Variants in CDH11 observed in about 807,000 individuals in gnomAD.
CDH11 encodes cadherin-11.
CDH11 carries 11 observed loss-of-function variants against 67.8 expected under a neutral mutation model. The observed-to-expected ratio is 0.16, with a 90% confidence interval of 0.10 to 0.27. The LOEUF (loss-of-function observed/expected upper bound fraction) is 0.27. Ranked by LOEUF, CDH11 falls within the 10% of genes least tolerant of loss-of-function variation. The probability of loss-of-function intolerance (pLI) is 1.00; values close to 1 mark genes in which losing one functional copy is unlikely to be tolerated. For missense variants in CDH11, 847 were observed against 1,031.2 expected (o/e 0.82, Z 2.45); for synonymous variants, 419 against 400.0 (o/e 1.05, Z -0.57).
chr16:65,109,761 C>T (rs1320627362), intron 1 of CDH11, among the ~76,000 whole-genome samples: 1 of 152,194 alleles, frequency 6.6e-6, no homozygotes, highest in Non-Finnish European at 1.5e-5. Context: ...ATTATGCTGC[C>T]TGCCATAGCT....
chr16:64,951,194 C>T (rs1020435575), intron 11 of CDH11, among the ~76,000 whole-genome samples, 176 bp from the exon 12 acceptor site: 3 of 152,180 alleles, frequency 2.0e-5, no homozygotes, highest in African/African-American at 4.8e-5. Context: ...GGCATGATCA[C>T]GAAACAAGCT....
intron 11 of CDH11, among the ~76,000 whole-genome samples, chr16:64,967,319 G>A (rs900550974): frequency 6.6e-6 from 1 of 152,082 alleles, no homozygotes; most frequent in African/African-American, 2.4e-5. Flanking sequence ...CCGGGTTCAA[G>A]CAATTCTCTT....
At position 65,121,360 on chromosome 16, in the gene CDH11, G is replaced by C. The variant is rs1208773070; in HGVS notation, c.-298+520C>G. Among the ~76,000 whole-genome samples the C allele has an allele frequency of 6.6e-6, 1 of 152,176 alleles. No homozygotes were observed. The highest frequency in any genetic ancestry group is 2.4e-5 in the African/African-American group (1 of 41,454). On this transcript the variant is annotated intron_variant, in intron 1 of 12. Coordinates refer to ENST00000268603, the MANE Select transcript of CDH11 (RefSeq NM_001797.4). This position sits in a 1 kb window ranked among gnomAD's most constrained non-coding sequence, Gnocchi z 4.1. ...TTTCCCGGGCTTACCCGGCAGTCTCGACTGCAGGGACTAAGCCCCGGGGAG... is the reference window on the plus strand; with the variant it reads ...TTTCCCGGGCTTACCCGGCAGTCTCCACTGCAGGGACTAAGCCCCGGGGAG...
At chr16:65,073,094 G>GA (rs1309186645) in intron 1 of CDH11, among the ~76,000 whole-genome samples, 1 of 152,036 alleles carries the variant, frequency 6.6e-6, no homozygotes, top group African/African-American at 2.4e-5. Context: ...CACAGTTATT[G>GA]AAAATCCAAT....
chr16:65,117,767 C>A (rs2075266248), intron 1 of CDH11, among the ~76,000 whole-genome samples: 2 of 152,136 alleles, frequency 1.3e-5, no homozygotes, highest in Admixed American at 6.5e-5. Flanking sequence ...TATTTTTCTT[C>A]TTTATCCATT....
rs71143552 is a variant in CDH11 at position 65,111,674 on chromosome 16, AACAC to A, written c.-298+10202_-298+10205del. On this transcript the variant is annotated intron_variant, in intron 1 of 12. Transcript: ENST00000268603. ...GTCCTTTCCTCTGAGGAAAGCTAGA[AACAC>A]ACACACACACACACACACACACACA... Among the ~76,000 whole-genome samples, 546 of 140,672 alleles carry A rather than the reference AACAC, an allele frequency of 3.9e-3. 1 individual carries two copies. Among genetic ancestry groups the A allele is most frequent in the East Asian group, 8.8e-3 (41 of 4,634 alleles). The allele number at this position is 140,672 out of a possible 152,430, so 92.3% of individuals were successfully genotyped here.
intron 1 of CDH11, among the ~76,000 whole-genome samples, chr16:65,080,025 TATAA>T (rs561720055): frequency 2.5e-3 from 379 of 152,356 alleles, no homozygotes; most frequent in Non-Finnish European, 4.4e-3. Context: ...AAATAAAATG[TATAA>T]ATGAGAAAAT....
At chr16:64,996,405 G>A (rs531214857) in intron 4 of CDH11, among the ~76,000 whole-genome samples, 67 of 150,574 alleles carry the variant, frequency 4.4e-4, no homozygotes, top group African/African-American at 1.4e-3. Context: ...CAGGAGAATC[G>A]TTTGAACCCA....
In CDH11 at chr16:64,966,443, G is replaced by C. The variant is rs151239093; in HGVS notation, c.1642+5136C>G. On this transcript the variant is annotated intron_variant, in intron 11 of 12. Coordinates refer to ENST00000268603, the MANE Select transcript of CDH11 (RefSeq NM_001797.4). The stretch of plus-strand genomic sequence containing the variant: ...AAAATAGTAATAAAATAAAAATAAT[G>C]CGGAGAAAGCATCTGTCAGGTTTCA... Among the ~76,000 whole-genome samples, 435 of 67,404 alleles carry C rather than the reference G, an allele frequency of 6.5e-3. 1 individual carries two copies. The highest frequency in any genetic ancestry group is 0.016 in the Middle Eastern group (2 of 124). 44.2% of individuals were successfully genotyped at this position (67,404 alleles called of 152,430 possible). A position where few individuals can be genotyped will look rare whatever the true frequency, so the allele number is the denominator to read the frequency against.
intron 2 of CDH11, among the ~76,000 whole-genome samples, chr16:65,009,784 G>T (rs2073138449): frequency 6.6e-6 from 1 of 152,146 alleles, no homozygotes; most frequent in Non-Finnish European, 1.5e-5. Flanking sequence ...TGCTTGGAGG[G>T]AAAAATAAAT....
rs2142458968 is a variant in CDH11, at chr16:64,982,114, G to A, written c.1187C>T (p.Ala396Val). The A allele has an allele frequency of 6.2e-7, 1 of 1,613,986 alleles. No individual in the cohort carries two copies. ...PSYIHEVQEN[A>V]AAGTVVGRVH... ...TCTCCCAACCACGGTGCCAGCAGCT[G>A]CATTTTCTTGGACTTCGTGGATGTA... The change falls in exon 8 of 13, where the codon GCA becomes GTA. Residue 396 changes from alanine to valine, a missense_variant. Ala to Val is a moderately conservative substitution (Grantham distance 64, BLOSUM62 0). Transcript: ENST00000268603.
chr16:64,958,704 T>C (rs2071588382), intron 11 of CDH11, among the ~76,000 whole-genome samples: 1 of 152,204 alleles, frequency 6.6e-6, no homozygotes, highest in African/African-American at 2.4e-5. Flanking sequence ...CTAATTAAAC[T>C]AGTTTATTTT....
intron 1 of CDH11, among the ~76,000 whole-genome samples, chr16:65,063,960 T>C (rs1259138536): frequency 1.3e-5 from 2 of 152,206 alleles, no homozygotes; most frequent in Non-Finnish European, 2.9e-5. Flanking sequence ...TAAGAGCTGA[T>C]ACTTCTCTAG....
rs766808106 is a variant in CDH11, at chr16:64,991,802, G to A, written c.777C>T (p.Thr259=). The change falls in exon 6 of 13, where the codon ACC becomes ACT. Residue 259 remains threonine (T), a synonymous_variant. Transcript: ENST00000268603. ...ACTTTGGTGGGTTGTCATTGACATC[G>A]GTCAGTGTGATCGTCACTTTGGTTG... ...SGTTKVTITL[T]DVNDNPPKFP... 1.2e-5 allele frequency: 19 copies of A among 1,613,632 alleles called. No individual in the cohort carries two copies. Among genetic ancestry groups the A allele is most frequent in the East Asian group, 4.5e-5 (2 of 44,874 alleles).
chr16:65,059,120 G>C (rs1290964497), intron 1 of CDH11, among the ~76,000 whole-genome samples: 1 of 151,914 alleles, frequency 6.6e-6, no homozygotes, highest in East Asian at 1.9e-4. Flanking sequence ...TGAGGAATCT[G>C]AGTCTCAAAG....
At chr16:65,053,035 C>T (rs757305186) in intron 2 of CDH11, among the ~76,000 whole-genome samples, 9 of 152,078 alleles carry the variant, frequency 5.9e-5, no homozygotes, top group African/African-American at 2.2e-4. Context: ...ATTTAAGTCA[C>T]CACTGGACAT....
Position 65,004,767 on chromosome 16 carries a change from A to G in CDH11, c.103T>C (p.Phe35Leu), listed in dbSNP as rs201776236. 4.7e-5 allele frequency: 76 copies of G among 1,606,314 alleles called. No homozygotes were observed. The Admixed American group carries it at 1.2e-3, about 25-fold the overall frequency. ...TTGCCCTTCTCATGGTGCCCATGGA[A>G]GGAGGGCCGCAGGTGCCCCCGCCGC... is the stretch of plus-strand genomic sequence containing the variant. Reference protein sequence around the residue: ...PERRGHLRPSFHGHHEKGKEG... With the variant: ...PERRGHLRPSLHGHHEKGKEG... Residue 35 changes from phenylalanine (F) to leucine (L), a missense_variant, in exon 3 of 13, where the codon TTC (phenylalanine) becomes CTC (leucine). Phe to Leu is a conservative substitution (Grantham distance 22). This residue lies in a region of CDH11 where 235 missense variants were observed against 352.5 expected (regional missense o/e 0.67). Transcript: ENST00000268603.
chr16:64,975,124 C>A (rs1483472213), intron 8 of CDH11, among the ~76,000 whole-genome samples: 1 of 152,052 alleles, frequency 6.6e-6, no homozygotes, highest in Non-Finnish European at 1.5e-5. Flanking sequence ...ATTAATAGTA[C>A]CTAACTTTTA....
chr16:65,078,647 GATCA>G (rs2074557801), intron 1 of CDH11, among the ~76,000 whole-genome samples: 1 of 151,862 alleles, frequency 6.6e-6, no homozygotes, highest in African/African-American at 2.4e-5. Context: ...ACATTTTTTT[GATCA>G]ATAAGTCATC....
Sources: allele counts gnomAD v4.1 joint callset (sites outside exome capture counted in the v4.1 genomes callset), GRCh38; gene constraint gnomAD v4.1.1; regional missense constraint gnomAD v4.1.1; non-coding constraint Gnocchi (gnomAD v3.1); transcripts MANE v1.5; gene names NCBI Gene and HGNC (gene_info 2026-07-23, HGNC 2026-07-21).